The following DPP8 variants were observed in gnomAD, a reference collection of about 807,000 sequenced individuals.
DPP8 encodes the protein DPP VIII.
A neutral mutation model predicts 107.5 loss-of-function variants in DPP8; 31 were observed. That is an observed-to-expected ratio of 0.29 (90% CI 0.22 to 0.39). The LOEUF (loss-of-function observed/expected upper bound fraction) is 0.39, where lower values mean the gene tolerates loss of function less well. DPP8 is among the 10% of genes least tolerant of loss of function. The pLI, the probability that DPP8 is intolerant of heterozygous loss-of-function variation, is 1.00. For missense variants in DPP8, 842 were observed against 1,076.1 expected (o/e 0.78, Z 3.04); for synonymous variants, 381 against 356.6 (o/e 1.07, Z -0.77).
intron 12 of DPP8, among the ~76,000 whole-genome samples, chr15:65,470,195 C>CAAA (rs11310623): frequency 7.5e-3 from 438 of 58,270 alleles, no homozygotes; most frequent in Non-Finnish European, 9.8e-3. Context: ...ACTCTTGTCT[C>CAAA]AAAAAAAAAA....
chr15:65,453,742 C>A (rs780141681), intron 17 of DPP8, among the ~76,000 whole-genome samples: 14 of 151,854 alleles, frequency 9.2e-5, no homozygotes, highest in Admixed American at 2.0e-4. Context: ...AGAACAACAA[C>A]AAAAAACAAA....
At chr15:65,485,359 C>T (rs1008462145) in intron 7 of DPP8, among the ~76,000 whole-genome samples, 199 bp from the exon 8 acceptor site, 6 of 151,404 alleles carry the variant, frequency 4.0e-5, no homozygotes, top group Non-Finnish European at 7.4e-5. Context: ...CCCTGGCCAA[C>T]ATGGTGAAAC....
At chr15:65,449,284 A>AAT (rs2063791666) in intron 19 of DPP8, among the ~76,000 whole-genome samples, 2 of 147,234 alleles carry the variant, frequency 1.4e-5, no homozygotes, top group East Asian at 2.0e-4. Flanking sequence ...AAGTATATAT[A>AAT]ATATATATAT....
intron 11 of DPP8, among the ~76,000 whole-genome samples, chr15:65,477,353 C>A (rs1567200114): frequency 6.6e-6 from 1 of 151,842 alleles, no homozygotes; most frequent in African/African-American, 2.4e-5. Flanking sequence ...CGAGATAGCA[C>A]CACTGCATTC....
chr15:65,481,380 C>A, intron 9 of DPP8, 135 bp downstream of exon 9: 1 of 641,350 alleles, frequency 1.6e-6, no homozygotes, highest in South Asian at 1.9e-5. Context: ...AGAAAAATGC[C>A]TTGTGTAGTA....
At chr15:65,495,047 T>C (rs929411996) in intron 5 of DPP8, among the ~76,000 whole-genome samples, 4 of 152,168 alleles carry the variant, frequency 2.6e-5, no homozygotes, top group Non-Finnish European at 5.9e-5. Context: ...CATGTTCTTT[T>C]ACAGAAGATA....
intron 2 of DPP8, among the ~76,000 whole-genome samples, chr15:65,510,331 T>C (rs1471433820): frequency 6.6e-6 from 1 of 151,708 alleles, no homozygotes; most frequent in Non-Finnish European, 1.5e-5. Context: ...TAATAATTAA[T>C]AATTAATTTA....
chr15:65,454,443 G>A (rs759689505), intron 16 of DPP8, 28 bp from the exon 17 acceptor site: 1 of 1,570,128 alleles, frequency 6.4e-7, no homozygotes. Flanking sequence ...ACATTTCACT[G>A]ATTCTGATGA....
chr15:65,466,396 C>T (rs572078755), intron 14 of DPP8, among the ~76,000 whole-genome samples: 2 of 152,238 alleles, frequency 1.3e-5, no homozygotes, highest in Admixed American at 6.5e-5. Flanking sequence ...CCTTGGTCTC[C>T]CAAAGTGTAG....
chr15:65,476,544 G>C (rs1257270220), intron 11 of DPP8, among the ~76,000 whole-genome samples: 1 of 152,146 alleles, frequency 6.6e-6, no homozygotes, highest in Non-Finnish European at 1.5e-5. Context: ...TTAAAACCCT[G>C]TGCACTGTTA....
At chr15:65,473,066 C>T (rs1033307952) in intron 12 of DPP8, among the ~76,000 whole-genome samples, 1 of 151,824 alleles carries the variant, frequency 6.6e-6, no homozygotes, top group Non-Finnish European at 1.5e-5. Flanking sequence ...GTGAGCAGGA[C>T]GCAGTGGCTC....
At chr15:65,499,630 T>A (rs1420242686) in intron 4 of DPP8, among the ~76,000 whole-genome samples, 2 of 152,316 alleles carry the variant, frequency 1.3e-5, no homozygotes, top group East Asian at 3.9e-4. Flanking sequence ...AGCAGCACAA[T>A]CTCGGTGCAC....
At chr15:65,475,312 G>T in intron 11 of DPP8, 3 of 867,822 alleles carry the variant, frequency 3.5e-6, no homozygotes, top group Non-Finnish European at 5.6e-6. Flanking sequence ...GTAGGTGGAA[G>T]TTGGGTCAGC....
intron 8 of DPP8, 144 bp downstream of exon 8, chr15:65,484,955 A>C (rs1302010723): frequency 9.0e-6 from 6 of 668,714 alleles, no homozygotes; most frequent in South Asian, 8.6e-5. Flanking sequence ...GCAAGTAAAA[A>C]ATTAGGTCAA....
At position 65,467,122 on chromosome 15, in the gene DPP8, C is replaced by A; in HGVS notation, c.1638G>T (p.Glu546Asp). 6.2e-7 allele frequency: 1 copy of A among 1,614,166 alleles called. No individual in the cohort carries two copies. The highest frequency in any genetic ancestry group is 8.5e-7 in the Non-Finnish European group (1 of 1,180,024). Residue 546 changes from glutamate to aspartate, a missense_variant, in exon 13 of 20, where the codon GAG becomes GAT. Physicochemically the swap from Glu to Asp is conservative, Grantham distance 45 (BLOSUM62 2). Around this residue, in one of 2 missense-constraint regions of DPP8, gnomAD observed 663 missense variants for 758.0 expected, o/e 0.87. Transcript: ENST00000300141. ...AGCCACGGTCAGTCAGCCTTGTCAC[C>A]TCTCCAGGATTTACGTAACTGACTA... The part of the protein sequence containing the change: ...LYVVSYVNPG[E>D]VTRLTDRGYS...
chr15:65,452,234 C>T, intron 17 of DPP8, 132 bp from the exon 18 acceptor site: 1 of 964,602 alleles, frequency 1.0e-6, no homozygotes, highest in Non-Finnish European at 1.4e-6. Context: ...GCATACATGT[C>T]TTAGGCAACT....
intron 7 of DPP8, among the ~76,000 whole-genome samples, chr15:65,486,122 G>A (rs190664523): frequency 6.9e-6 from 1 of 145,952 alleles, no homozygotes; most frequent in Non-Finnish European, 1.5e-5. Flanking sequence ...CAAAAAAAAC[G>A]GCCGGGCGCA....
chr15:65,452,163 G>T, intron 17 of DPP8, 61 bp from the exon 18 acceptor site: 1 of 1,536,012 alleles, frequency 6.5e-7, no homozygotes, highest in East Asian at 2.4e-5. Flanking sequence ...CTAGCAGTGA[G>T]ATCTTACAAC....
chr15:65,507,428 A>G (rs537030990), intron 2 of DPP8, 73 bp from the exon 3 acceptor site: 8 of 914,032 alleles, frequency 8.8e-6, no homozygotes, highest in African/African-American at 6.6e-5. Flanking sequence ...TTGCAAGTAC[A>G]TAATGCCTTC....
Sources: gnomAD v4.1 joint callset for allele counts (sites outside exome capture counted in the v4.1 genomes callset) on GRCh38, gnomAD v4.1.1 for gene constraint, gnomAD v4.1.1 regional missense constraint, MANE v1.5 for transcripts, NCBI Gene and HGNC (gene_info 2026-07-23, HGNC 2026-07-21) for gene names.